Variants in SLC25A31 observed in about 807,000 individuals in gnomAD.
SLC25A31 encodes the protein solute carrier family 25 member 31.
A neutral mutation model predicts 36.2 loss-of-function variants in SLC25A31; 40 were observed. That is an observed-to-expected ratio of 1.10 (90% CI 0.86 to 1.44). SLC25A31 has a LOEUF of 1.44. Ranked by LOEUF, SLC25A31 falls within the 40% of genes most tolerant of loss-of-function variation. SLC25A31 has a pLI of 0.00. For missense variants in SLC25A31, 350 were observed against 397.1 expected, an observed-to-expected ratio of 0.88 and a Z score of 1.01; for synonymous variants, 143 against 149.7, an observed-to-expected ratio of 0.96 and a Z score of 0.32.
intron 3 of SLC25A31, among the ~76,000 whole-genome samples, 166 bp from the exon 4 acceptor site, chr4:127,766,900 A>C (rs1267889413): frequency 6.6e-6 from 1 of 152,206 alleles, no homozygotes; most frequent in African/African-American, 2.4e-5. Context: ...ATAGTACTTG[A>C]AATCTTGATT....
intron 2 of SLC25A31, among the ~76,000 whole-genome samples, chr4:127,763,458 T>A (rs112783269): frequency 2.6e-5 from 4 of 152,334 alleles, no homozygotes; most frequent in South Asian, 2.1e-4. Flanking sequence ...CCTCGTATCC[T>A]GGATTTTTCA....
At chr4:127,765,698 A>G (rs958947717) in intron 3 of SLC25A31, among the ~76,000 whole-genome samples, 2 of 152,224 alleles carry the variant, frequency 1.3e-5, no homozygotes, top group South Asian at 2.1e-4. Flanking sequence ...ATAAATGACT[A>G]AAATATATTG....
rs183414847 is a variant in SLC25A31 at position 127,751,018 on chromosome 4, A to C, written c.360+6219A>C. Among the ~76,000 whole-genome samples, 40 of 152,340 alleles carry C rather than the reference A, an allele frequency of 2.6e-4. No individual in the cohort carries two copies. The East Asian group carries it at 6.2e-3, about 23-fold the overall frequency. On this transcript the variant is annotated intron_variant, in intron 2 of 5. Coordinates refer to ENST00000281154, the MANE Select transcript of SLC25A31 (RefSeq NM_031291.4). ...AGGCTTACTTTAGCCTTAAGTATAC[A>C]CATATACCCCATCAAGCTACCAATG...
At position 127,760,453 on chromosome 4, in the gene SLC25A31, A is replaced by G. The variant is rs1383345422; in HGVS notation, c.361-3790A>G. 1.3e-5 allele frequency among the ~76,000 whole-genome samples: 2 copies of G among 152,142 alleles called. 1 individual carries two copies. The highest frequency in any genetic ancestry group is 3.9e-4 in the East Asian group (2 of 5,178). On this transcript the variant is annotated intron_variant, in intron 2 of 5. Transcript: ENST00000281154. ...CTAACTCCCAAACTCACCTGAGGTGACTAGACTGGATGAGCCTCAGCTGGG... is the reference window on the plus strand; with the variant it reads ...CTAACTCCCAAACTCACCTGAGGTGGCTAGACTGGATGAGCCTCAGCTGGG...
chr4:127,734,997 A>G (rs182635178), intron 1 of SLC25A31, among the ~76,000 whole-genome samples: 1 of 152,244 alleles, frequency 6.6e-6, no homozygotes, highest in Non-Finnish European at 1.5e-5. Context: ...AATTAACTGG[A>G]TTTATAGATT....
chr4:127,764,782 A>C (rs1732209518), intron 3 of SLC25A31, among the ~76,000 whole-genome samples: 2 of 152,058 alleles, frequency 1.3e-5, no homozygotes, highest in Admixed American at 6.6e-5. Context: ...TTTTTGGTAG[A>C]GTATATTCTT....
At chr4:127,745,617 T>G (rs1457308042) in intron 2 of SLC25A31, among the ~76,000 whole-genome samples, 1 of 152,204 alleles carries the variant, frequency 6.6e-6, no homozygotes, top group Non-Finnish European at 1.5e-5. Context: ...CTCCTTAAAT[T>G]TCCTTTTATG....
At chr4:127,748,658 A>G (rs2148757495) in intron 2 of SLC25A31, among the ~76,000 whole-genome samples, 1 of 152,236 alleles carries the variant, frequency 6.6e-6, no homozygotes, top group South Asian at 2.1e-4. Flanking sequence ...TTGGTTAGAG[A>G]CCCACCAACT....
At chr4:127,761,587 TG>T (rs1028225259) in intron 2 of SLC25A31, among the ~76,000 whole-genome samples, 120 of 152,340 alleles carry the variant, frequency 7.9e-4, no homozygotes, top group African/African-American at 2.8e-3. Context: ...TTCTCATTAT[TG>T]CCTACTTTTT....
At chr4:127,769,880 C>G (rs1356463787) in intron 5 of SLC25A31, among the ~76,000 whole-genome samples, 1 of 152,150 alleles carries the variant, frequency 6.6e-6, no homozygotes, top group Non-Finnish European at 1.5e-5. Flanking sequence ...AGAAGTAGTT[C>G]AGGATAGCCA....
intron 2 of SLC25A31, among the ~76,000 whole-genome samples, chr4:127,762,969 C>A: frequency 1.3e-5 from 2 of 150,104 alleles, no homozygotes; most frequent in Admixed American, 6.6e-5. Flanking sequence ...TATAAATGTA[C>A]ACAAATAATT....
At chr4:127,772,991 C>T (rs973784764) in intron 5 of SLC25A31, among the ~76,000 whole-genome samples, 9 of 151,984 alleles carry the variant, frequency 5.9e-5, no homozygotes, top group African/African-American at 2.2e-4. Context: ...CCATATTGCC[C>T]AGGGTGGTCT....
intron 2 of SLC25A31, among the ~76,000 whole-genome samples, chr4:127,758,071 C>G (rs1299398369): frequency 1.3e-5 from 2 of 152,122 alleles, no homozygotes; most frequent in African/African-American, 4.8e-5. Context: ...ATAAACCCAT[C>G]AGATCTCATG....
chr4:127,772,695 G>A (rs1222269642), intron 5 of SLC25A31, among the ~76,000 whole-genome samples: 16 of 151,964 alleles, frequency 1.1e-4, no homozygotes, highest in Admixed American at 9.2e-4. Context: ...TAAAAATTTA[G>A]GTAAGAGGTT....
At chr4:127,768,653 G>T in intron 4 of SLC25A31, 99 bp from the exon 5 acceptor site, 1 of 976,372 alleles carries the variant, frequency 1.0e-6, no homozygotes, top group Non-Finnish European at 1.4e-6. Flanking sequence ...AAGTATAATT[G>T]GGCCCTCTTT....
In SLC25A31 at chr4:127,730,472, T is replaced by A; in HGVS notation, c.-74T>A. The A allele has an allele frequency of 6.7e-7, 1 of 1,488,962 alleles. No homozygotes were observed. The highest frequency in any genetic ancestry group is 9.2e-7 in the Non-Finnish European group (1 of 1,082,830). The allele number at this position is 1,488,962 out of a possible 1,614,324, so 92.2% of individuals were successfully genotyped here. On this transcript the variant is annotated 5_prime_UTR_variant, in exon 1 of 6. Coordinates refer to ENST00000281154, the MANE Select transcript of SLC25A31 (RefSeq NM_031291.4). Reference sequence around the variant, plus strand: ...TACGATGCTGCAGCGGTTTTCCGGTTTTCCGCTTCCCTTCATCGTAGCTCC... The same window carrying A: ...TACGATGCTGCAGCGGTTTTCCGGTATTCCGCTTCCCTTCATCGTAGCTCC...
At chr4:127,757,471 C>T (rs559244698) in intron 2 of SLC25A31, among the ~76,000 whole-genome samples, 1 of 152,252 alleles carries the variant, frequency 6.6e-6, no homozygotes, top group East Asian at 1.9e-4. Context: ...TTATTTCATT[C>T]TTTTTTTAAA....
chr4:127,741,160 T>C (rs911821971), intron 1 of SLC25A31, among the ~76,000 whole-genome samples: 2 of 152,244 alleles, frequency 1.3e-5, no homozygotes, highest in Admixed American at 6.5e-5. Context: ...GTTTTCTGTA[T>C]GTAAGATCAT....
chr4:127,733,240 T>G (rs1731562874), intron 1 of SLC25A31, among the ~76,000 whole-genome samples: 2 of 152,212 alleles, frequency 1.3e-5, no homozygotes, highest in African/African-American at 4.8e-5. Flanking sequence ...CAACTCTGCT[T>G]ATAGTATTTG....
Sources: gnomAD v4.1 joint callset for allele counts (sites outside exome capture counted in the v4.1 genomes callset) on GRCh38, gnomAD v4.1.1 for gene constraint, MANE v1.5 for transcripts, NCBI Gene and HGNC (gene_info 2026-07-23, HGNC 2026-07-21) for gene names.